CNNM4: variants seen among roughly 807,000 people sequenced by gnomAD.
CNNM4 encodes cyclin and CBS domain divalent metal cation transport mediator 4, also known as metal transporter CNNM4.
CNNM4 carries 32 observed loss-of-function variants against 53.7 expected under a neutral mutation model. That is an observed-to-expected ratio of 0.60 (90% CI 0.45 to 0.80). The LOEUF (loss-of-function observed/expected upper bound fraction) is 0.80. CNNM4 is among the 30% of genes least tolerant of loss of function. The probability of loss-of-function intolerance (pLI) is 0.00; values close to 1 mark genes in which losing one functional copy is unlikely to be tolerated. For missense variants in CNNM4, 784 were observed against 1,022.0 expected (o/e 0.77, Z 3.17); for synonymous variants, 410 against 440.0 (o/e 0.93, Z 0.85).
At chr2:96,762,736 A>G (rs1291416832) in intron 1 of CNNM4, among the ~76,000 whole-genome samples, 1 of 152,134 alleles carries the variant, frequency 6.6e-6, no homozygotes, top group Non-Finnish European at 1.5e-5. Flanking sequence ...ATGGAGATTT[A>G]GAGTATGGGG....
intron 5 of CNNM4, among the ~76,000 whole-genome samples, chr2:96,806,050 G>T (rs1389307013): frequency 6.9e-6 from 1 of 145,912 alleles, no homozygotes; most frequent in Non-Finnish European, 1.5e-5. Flanking sequence ...CTCACCTCCC[G>T]GACGGGGCGG....
intron 1 of CNNM4, among the ~76,000 whole-genome samples, chr2:96,790,606 G>A (rs1425693326): frequency 2.0e-5 from 3 of 150,458 alleles, no homozygotes; most frequent in East Asian, 2.0e-4. Flanking sequence ...CGCCTGCCTC[G>A]GCCTCCCAAA....
intron 1 of CNNM4, among the ~76,000 whole-genome samples, chr2:96,796,316 T>G (rs1405919610): frequency 6.6e-6 from 1 of 151,924 alleles, no homozygotes; most frequent in East Asian, 1.9e-4. Flanking sequence ...AGCTGATTTT[T>G]GTATTTTTAG....
intron 1 of CNNM4, among the ~76,000 whole-genome samples, chr2:96,784,025 A>T (rs72809850): frequency 1.2e-4 from 18 of 152,190 alleles, no homozygotes; most frequent in African/African-American, 4.3e-4. Flanking sequence ...CAGGATTATA[A>T]GTGATCTTAG....
chr2:96,764,522 T>C (rs1183865387), intron 1 of CNNM4, among the ~76,000 whole-genome samples: 2 of 151,966 alleles, frequency 1.3e-5, no homozygotes, highest in South Asian at 2.1e-4. Flanking sequence ...GCCCTGCGGC[T>C]TTATGCCATC....
intron 1 of CNNM4, among the ~76,000 whole-genome samples, chr2:96,767,451 A>G (rs754160493): frequency 3.3e-5 from 5 of 152,014 alleles, no homozygotes; most frequent in Non-Finnish European, 7.4e-5. Context: ...CTCCTGCCCC[A>G]GTTTGTGTTT....
At chr2:96,769,009 T>C (rs1025458931) in intron 1 of CNNM4, among the ~76,000 whole-genome samples, 4 of 152,168 alleles carry the variant, frequency 2.6e-5, no homozygotes, top group Non-Finnish European at 5.9e-5. Flanking sequence ...CCCAGCACTT[T>C]GGGAGGCCGA....
chr2:96,784,207 C>T (rs2078998213), intron 1 of CNNM4, among the ~76,000 whole-genome samples: 3 of 152,034 alleles, frequency 2.0e-5, no homozygotes, highest in Non-Finnish European at 4.4e-5. Context: ...GTCGAGGCTG[C>T]AGTGAGCTAG....
intron 1 of CNNM4, among the ~76,000 whole-genome samples, chr2:96,765,662 A>G (rs78255010): frequency 0.029 from 4,401 of 152,170 alleles, 214 homozygotes; most frequent in African/African-American, 0.1. Flanking sequence ...ATGCCTTCTT[A>G]GTGTTTTCAC....
chr2:96,779,058 G>T (rs963447599), intron 1 of CNNM4, among the ~76,000 whole-genome samples: 15 of 152,144 alleles, frequency 9.9e-5, no homozygotes, highest in African/African-American at 3.6e-4. Context: ...CTGGCTTCAC[G>T]CCATTCTCCT....
chr2:96,799,486 C>G, intron 4 of CNNM4, 66 bp from the exon 5 acceptor site: 1 of 1,408,904 alleles, frequency 7.1e-7, no homozygotes, highest in Non-Finnish European at 9.8e-7. Flanking sequence ...TCCTCACTCC[C>G]CATCCTGCCT....
At chr2:96,779,850 C>T (rs909455561) in intron 1 of CNNM4, among the ~76,000 whole-genome samples, 13 of 151,336 alleles carry the variant, frequency 8.6e-5, no homozygotes, top group Non-Finnish European at 1.8e-4. Context: ...GTCTCCAGGC[C>T]GGAGTGCAGT....
chr2:96,801,901 T>G lies in CNNM4; in HGVS notation c.1948+2253T>G, dbSNP rs2079162641. ...ACCCGTAGACACACCAGGATACACA[T>G]ACACACATAGATACACCACTCATAG... On this transcript the variant is annotated intron_variant, in intron 5 of 6. Coordinates refer to ENST00000377075, the MANE Select transcript of CNNM4 (RefSeq NM_020184.4). This position sits in a 1 kb window ranked among gnomAD's most constrained non-coding sequence, Gnocchi z 5.6. Among the ~76,000 whole-genome samples, 2 of 144,944 alleles carry G rather than the reference T, an allele frequency of 1.4e-5. No individual in the cohort carries two copies. Among genetic ancestry groups the G allele is most frequent in the Admixed American group, 6.8e-5 (1 of 14,644 alleles).
chr2:96,806,337 TTC>T (rs760580146), intron 5 of CNNM4, among the ~76,000 whole-genome samples: 7 of 152,066 alleles, frequency 4.6e-5, no homozygotes, highest in East Asian at 1.9e-4. Context: ...GAACTCAGAC[TTC>T]TCTCTCTTTT....
At chr2:96,805,627 A>C (rs2079197472) in intron 5 of CNNM4, among the ~76,000 whole-genome samples, 1 of 117,768 alleles carries the variant, frequency 8.5e-6, no homozygotes, top group East Asian at 2.3e-4. Flanking sequence ...TGATTACTTG[A>C]GATTAGGGAT....
At chr2:96,771,877 T>C (rs2078872844) in intron 1 of CNNM4, among the ~76,000 whole-genome samples, 1 of 152,220 alleles carries the variant, frequency 6.6e-6, no homozygotes, top group Admixed American at 6.5e-5. Context: ...TGGGCAGTGC[T>C]GTGCGCCTCT....
chr2:96,809,509 G>A lies in CNNM4; in HGVS notation c.2320G>A (p.Ala774Thr). The A allele has an allele frequency of 8.7e-6, 14 of 1,614,156 alleles. No homozygotes were observed. The highest frequency in any genetic ancestry group is 1.1e-5 in the Non-Finnish European group (13 of 1,180,014). Residue 774 changes from alanine to threonine, a missense_variant, in exon 7 of 7, where the codon GCC becomes ACC. Ala to Thr is a moderately conservative substitution (Grantham distance 58, BLOSUM62 0). Transcript: ENST00000377075. ...GCTGCACAAAGCCTCCCACGAGAAT[G>A]CCATCTGACAGGAGGGCCCGGGGCC... Reference protein sequence around the residue: ...SLLHKASHENAI With the variant: ...SLLHKASHENTI
At position 96,809,619 on chromosome 2, in the gene CNNM4, C is replaced by A; in HGVS notation, c.*102C>A. The A allele has an allele frequency of 2.8e-6, 3 of 1,058,388 alleles. No individual in the cohort carries two copies. The highest frequency in any genetic ancestry group is 4.2e-6 in the Non-Finnish European group (3 of 710,184). The allele number at this position is 1,058,388 out of a possible 1,614,324, so 65.6% of individuals were successfully genotyped here. On this transcript the variant is annotated 3_prime_UTR_variant, in exon 7 of 7. Coordinates refer to ENST00000377075, the MANE Select transcript of CNNM4 (RefSeq NM_020184.4). Reference sequence around the variant, plus strand: ...GTCCAGAAAGGATACGGATAGATAGCCTGTCTGACTGAACAGCCAGATGGC... The same window carrying A: ...GTCCAGAAAGGATACGGATAGATAGACTGTCTGACTGAACAGCCAGATGGC...
At chr2:96,802,362 G>A (rs1256720625) in intron 5 of CNNM4, among the ~76,000 whole-genome samples, 1 of 152,216 alleles carries the variant, frequency 6.6e-6, no homozygotes, top group Non-Finnish European at 1.5e-5. Context: ...GCACCCCAGC[G>A]GGTAAGCACT....
Sources: allele counts gnomAD v4.1 joint callset (sites outside exome capture counted in the v4.1 genomes callset), GRCh38; gene constraint gnomAD v4.1.1; non-coding constraint Gnocchi (gnomAD v3.1); transcripts MANE v1.5; gene names NCBI Gene and HGNC (gene_info 2026-07-23, HGNC 2026-07-21).